Variants in SMOC1 observed in about 807,000 individuals in gnomAD.
SMOC1 encodes SPARC-related modular calcium-binding protein 1.
In SMOC1, 22 loss-of-function variants were observed where a neutral mutation model predicts 56.3. The ratio of observed to expected loss-of-function variants is 0.39; its 90% CI spans 0.28 to 0.56. The LOEUF is 0.56. Among genes scored for constraint, SMOC1 ranks in the 20% least tolerant of loss-of-function variants. SMOC1 has a pLI of 0.61. For synonymous variants in SMOC1, 193 were observed against 215.0 expected, an observed-to-expected ratio of 0.90 and a Z score of 0.89; for missense variants, 509 against 565.4, an observed-to-expected ratio of 0.90 and a Z score of 1.01.
chr14:69,991,291 T>C (rs546520160), intron 5 of SMOC1, among the ~76,000 whole-genome samples: 1 of 152,264 alleles, frequency 6.6e-6, no homozygotes, highest in South Asian at 2.1e-4. Flanking sequence ...TTAAACTATA[T>C]AACCTTAAGA....
chr14:69,979,018 A>C (rs1224091814), intron 5 of SMOC1, among the ~76,000 whole-genome samples: 1 of 151,768 alleles, frequency 6.6e-6, no homozygotes, highest in Non-Finnish European at 1.5e-5. Context: ...CAGCCTCTCC[A>C]GGACTCCCAT....
At chr14:69,909,984 C>G (rs1158279510) in intron 1 of SMOC1, among the ~76,000 whole-genome samples, 1 of 152,168 alleles carries the variant, frequency 6.6e-6, no homozygotes, top group Non-Finnish European at 1.5e-5. Flanking sequence ...TCCTTTGAAC[C>G]ATGTTTCCTA....
chr14:70,028,377 T>C (rs1318415625), intron 11 of SMOC1, among the ~76,000 whole-genome samples: 6 of 152,324 alleles, frequency 3.9e-5, no homozygotes, highest in African/African-American at 1.4e-4. Flanking sequence ...AGAGCATGAT[T>C]CTGGAGGCAG....
intron 1 of SMOC1, among the ~76,000 whole-genome samples, chr14:69,929,180 A>G (rs79355793): frequency 0.018 from 2,732 of 152,302 alleles, 36 homozygotes; most frequent in Non-Finnish European, 0.025. Context: ...CTCGCCCATT[A>G]TGGAAGGAAG....
intron 10 of SMOC1, among the ~76,000 whole-genome samples, chr14:70,019,776 G>C (rs1385714186): frequency 1.3e-5 from 2 of 152,154 alleles, no homozygotes; most frequent in Non-Finnish European, 2.9e-5. Flanking sequence ...ACTCCCCCAG[G>C]AAAAATCTCA....
At chr14:69,998,830 C>T (rs922622342) in intron 7 of SMOC1, among the ~76,000 whole-genome samples, 13 of 152,108 alleles carry the variant, frequency 8.5e-5, no homozygotes, top group Non-Finnish European at 1.3e-4. Context: ...TTTGTTTTGT[C>T]ATCTCTTTCT....
chr14:69,954,266 A>G (rs1306869876), intron 3 of SMOC1, among the ~76,000 whole-genome samples: 3 of 151,920 alleles, frequency 2.0e-5, no homozygotes, highest in Admixed American at 6.6e-5. Flanking sequence ...GCAGCCTTGA[A>G]CTCCTGGGAT....
intron 3 of SMOC1, among the ~76,000 whole-genome samples, chr14:69,956,300 A>G (rs1302253905): frequency 1.3e-5 from 2 of 152,220 alleles, no homozygotes; most frequent in Admixed American, 1.3e-4. Context: ...ATTGAAATGG[A>G]TGTGCTTTTC....
intron 1 of SMOC1, among the ~76,000 whole-genome samples, chr14:69,893,371 C>T (rs1884014917): frequency 6.6e-6 from 1 of 152,070 alleles, no homozygotes; most frequent in Admixed American, 6.5e-5. Flanking sequence ...TCTGGTGTTG[C>T]CATGGAGGGA....
intron 5 of SMOC1, among the ~76,000 whole-genome samples, chr14:69,990,726 T>A (rs960850218): frequency 6.6e-6 from 1 of 152,246 alleles, no homozygotes; most frequent in Non-Finnish European, 1.5e-5. Context: ...ATGCCTGTTT[T>A]GGACTCCAGT....
intron 6 of SMOC1, among the ~76,000 whole-genome samples, chr14:69,993,983 C>T (rs1278462435): frequency 1.3e-5 from 2 of 152,154 alleles, no homozygotes; most frequent in Admixed American, 1.3e-4. Context: ...CCACCTGGAG[C>T]AATCTCGGCT....
At position 69,994,446 on chromosome 14, in the gene SMOC1, C is replaced by T; in HGVS notation, c.630C>T (p.Asp210=). 6.2e-7 allele frequency: 1 copy of T among 1,613,952 alleles called. No homozygotes were observed. Among genetic ancestry groups the T allele is most frequent in the Non-Finnish European group, 8.5e-7 (1 of 1,179,876 alleles). The part of the protein sequence containing the change: ...TLWIKHLVIK[D]SKLNNTNIRN... Reference sequence around the variant, plus strand: ...GGATTAAACACTTGGTGATCAAGGACTCCAAACTGAACAACACCAACATAA... The same window carrying T: ...GGATTAAACACTTGGTGATCAAGGATTCCAAACTGAACAACACCAACATAA... Residue 210 remains aspartate, a synonymous_variant, in exon 7 of 12, where the codon GAC becomes GAT. Transcript: ENST00000361956.
intron 1 of SMOC1, among the ~76,000 whole-genome samples, chr14:69,905,390 T>C (rs1277744265): frequency 6.6e-6 from 1 of 151,876 alleles, no homozygotes; most frequent in Non-Finnish European, 1.5e-5. Context: ...TGTGAGGGAA[T>C]AGAAGGAGGG....
intron 11 of SMOC1, 49 bp downstream of exon 11, chr14:70,023,496 C>G: frequency 6.2e-7 from 1 of 1,613,078 alleles, no homozygotes; most frequent in Non-Finnish European, 8.5e-7. Flanking sequence ...TGCCCCCACC[C>G]AGGCATGGGA....
At chr14:69,906,986 A>G (rs1314372154) in intron 1 of SMOC1, among the ~76,000 whole-genome samples, 1 of 152,222 alleles carries the variant, frequency 6.6e-6, no homozygotes, top group East Asian at 1.9e-4. Context: ...AAGGTTGGAG[A>G]TGCAGCAGGA....
chr14:70,031,574 CCTAT>C lies in SMOC1; in HGVS notation c.*1317_*1320del, dbSNP rs1040667606. 25 of 152,310 alleles carry C rather than the reference CCTAT, an allele frequency of 1.6e-4. 1 individual carries two copies. The highest frequency in any genetic ancestry group is 3.4e-3 in the Middle Eastern group (1 of 294). 9.4% of individuals were successfully genotyped at this position (152,310 alleles called of 1,614,324 possible). ...CAGAAGTAAAACTGATCTTGGGTTT[CCTAT>C]TCTGCCTCCCCTAGAAGGGCAGGGG... On this transcript the variant is annotated 3_prime_UTR_variant, in exon 12 of 12. Coordinates refer to ENST00000361956, the MANE Select transcript of SMOC1 (RefSeq NM_001034852.3).
intron 1 of SMOC1, among the ~76,000 whole-genome samples, chr14:69,917,428 A>ACAGACGGCTTAC (rs1884714630): frequency 6.6e-6 from 1 of 152,224 alleles, no homozygotes; most frequent in Non-Finnish European, 1.5e-5. Flanking sequence ...GTGGACAGAC[A>ACAGACGGCTTAC]TGTGTAGCTT....
chr14:69,971,281 G>A (rs1446751631), intron 3 of SMOC1, among the ~76,000 whole-genome samples: 1 of 152,204 alleles, frequency 6.6e-6, no homozygotes, highest in African/African-American at 2.4e-5. Flanking sequence ...GCCTCCCAAA[G>A]TGCTGGAATT....
At chr14:69,996,872 T>C (rs1035576041) in intron 7 of SMOC1, among the ~76,000 whole-genome samples, 1 of 152,228 alleles carries the variant, frequency 6.6e-6, no homozygotes, top group African/African-American at 2.4e-5. Context: ...GTATAAAATA[T>C]ATGGTGCCAC....
Sources: gnomAD v4.1 joint callset for allele counts (sites outside exome capture counted in the v4.1 genomes callset) on GRCh38, gnomAD v4.1.1 for gene constraint, MANE v1.5 for transcripts, NCBI Gene and HGNC (gene_info 2026-07-23, HGNC 2026-07-21) for gene names.